The following ITPRID1 variants were observed in gnomAD, a reference collection of about 807,000 sequenced individuals.
The protein encoded by ITPRID1 is ITPR interacting domain containing 1, also known as protein ITPRID1.
A neutral mutation model predicts 95.4 loss-of-function variants in ITPRID1; 96 were observed. The ratio of observed to expected loss-of-function variants is 1.01; its 90% CI spans 0.85 to 1.19. The LOEUF (loss-of-function observed/expected upper bound fraction) is 1.19. Among genes scored for constraint, ITPRID1 ranks in the 50% most tolerant of loss-of-function variants. The pLI is 0.00. For missense variants in ITPRID1, 1,339 were observed against 1,252.9 expected, an observed-to-expected ratio of 1.07 and a Z score of -1.04; for synonymous variants, 510 against 453.6, an observed-to-expected ratio of 1.12 and a Z score of -1.58.
intron 5 of ITPRID1, among the ~76,000 whole-genome samples, chr7:31,563,789 A>G (rs1055422924): frequency 1.3e-5 from 2 of 152,156 alleles, no homozygotes; most frequent in African/African-American, 4.8e-5. Flanking sequence ...GGAAGGGTCA[A>G]AGATATCTGG....
intron 14 of ITPRID1, among the ~76,000 whole-genome samples, chr7:31,652,280 G>C (rs892179097): frequency 1.3e-5 from 2 of 152,106 alleles, no homozygotes; most frequent in African/African-American, 4.8e-5. Flanking sequence ...CCCTTGCCCT[G>C]TACATCATAG....
Position 31,654,243 on chromosome 7 carries a change from A to C in ITPRID1, c.*1414A>C, listed in dbSNP as rs1265288475. 6.6e-6 allele frequency among the ~76,000 whole-genome samples: 1 copy of C among 152,160 alleles called. No homozygotes were observed. The highest frequency in any genetic ancestry group is 1.5e-5 in the Non-Finnish European group (1 of 68,030). On this transcript the variant is annotated 3_prime_UTR_variant, in exon 15 of 15. Transcript: ENST00000615280. Reference sequence around the variant, plus strand: ...CTTGAAAGGTGAGGAAGTGGAAGCCAAGTGCAATTTTGCAAAAGAACATTC... The same window carrying C: ...CTTGAAAGGTGAGGAAGTGGAAGCCCAGTGCAATTTTGCAAAAGAACATTC...
chr7:31,658,213 C>A, downstream of ITPRID1: 2 of 1,424,210 alleles, frequency 1.4e-6, no homozygotes, highest in Non-Finnish European at 9.2e-7. Context: ...CACAGAAGAA[C>A]ACTTCCCAGA....
intron 12 of ITPRID1, among the ~76,000 whole-genome samples, chr7:31,649,054 TTCAC>T (rs1790732521): frequency 6.6e-6 from 1 of 152,216 alleles, no homozygotes; most frequent in Non-Finnish European, 1.5e-5. Context: ...GTGTTTCAAA[TTCAC>T]TCACATTGAT....
At chr7:31,621,161 GAACCA>G (rs1027930082) in intron 10 of ITPRID1, among the ~76,000 whole-genome samples, 45 of 150,826 alleles carry the variant, frequency 3.0e-4, no homozygotes, top group Middle Eastern at 3.4e-3. Context: ...GGGGAGAATG[GAACCA>G]AACTGGAAAA....
At chr7:31,616,831 A>G (rs1253115113) in intron 10 of ITPRID1, among the ~76,000 whole-genome samples, 1 of 152,086 alleles carries the variant, frequency 6.6e-6, no homozygotes, top group African/African-American at 2.4e-5. Flanking sequence ...TGTGATTCAA[A>G]CAATTATCAG....
At chr7:31,577,738 A>G in intron 8 of ITPRID1, 125 bp from the exon 9 acceptor site, 1 of 736,268 alleles carries the variant, frequency 1.4e-6, no homozygotes, top group Admixed American at 3.0e-5. Context: ...CTTGAGTTTC[A>G]AGAGCCTAAT....
intron 10 of ITPRID1, among the ~76,000 whole-genome samples, chr7:31,629,935 A>G (rs988569702): frequency 2.0e-5 from 3 of 152,244 alleles, no homozygotes; most frequent in African/African-American, 7.2e-5. Flanking sequence ...ATTGTAAAAT[A>G]TACAAACATG....
chr7:31,553,223 C>T lies in ITPRID1; in HGVS notation c.163+36C>T, dbSNP rs375172768. ...CTCTCAGGCCTATTTGAAAACATTC[C>T]TCTGTGAGTGGTGAGGGATGTGGGA... On this transcript the variant is annotated intron_variant, in intron 3 of 14. Transcript: ENST00000615280. The T allele has an allele frequency of 3.7e-5, 57 of 1,527,786 alleles. No homozygotes were observed. In the Middle Eastern group the frequency reaches 1.1e-3, roughly 31 times the overall value. 94.6% of individuals were successfully genotyped at this position (1,527,786 alleles called of 1,614,324 possible). A position where few individuals can be genotyped will look rare whatever the true frequency, so the allele number is the denominator to read the frequency against.
chr7:31,577,936 C>A lies in ITPRID1; in HGVS notation c.672C>A (p.Ile224=), dbSNP rs1420553229. ...AFSSLLSDVS[I]LPNRAEEKAG... is the part of the protein sequence containing the mutation. Reference sequence around the variant, plus strand: ...CATCTCTGCTGAGTGATGTCAGCATCCTGCCAAACAGAGCTGAAGAGAAAG... The same window carrying A: ...CATCTCTGCTGAGTGATGTCAGCATACTGCCAAACAGAGCTGAAGAGAAAG... The change falls in exon 9 of 15, where the codon ATC becomes ATA. Residue 224 remains isoleucine (I), a synonymous_variant. Coordinates refer to ENST00000615280, the MANE Select transcript of ITPRID1 (RefSeq NM_001257967.3). 5 of 1,613,626 alleles carry A rather than the reference C, an allele frequency of 3.1e-6. No individual in the cohort carries two copies. Among genetic ancestry groups the A allele is most frequent in the African/African-American group, 1.3e-5 (1 of 75,026 alleles).
In ITPRID1 at chr7:31,551,091, G is replaced by C. The variant is rs1784272546; in HGVS notation, c.-24+1592G>C. Among the ~76,000 whole-genome samples the C allele has an allele frequency of 1.4e-5, 2 of 143,174 alleles. 1 individual carries two copies. Among genetic ancestry groups the C allele is most frequent in the Admixed American group, 1.4e-4 (2 of 14,212 alleles). The allele number at this position is 143,174 out of a possible 152,430, so 93.9% of individuals were successfully genotyped here. A position where few individuals can be genotyped will look rare whatever the true frequency, so the allele number is the denominator to read the frequency against. On this transcript the variant is annotated intron_variant, in intron 2 of 14. Coordinates refer to ENST00000615280, the MANE Select transcript of ITPRID1 (RefSeq NM_001257967.3). The stretch of plus-strand genomic sequence containing the variant: ...ATTATTTTGGGGATCTTATTTTTCT[G>C]TGATATGTTATTCTTTTCTTCAAAC...
At chr7:31,515,902 C>T (rs1016927405) in intron 1 of ITPRID1, among the ~76,000 whole-genome samples, 10 of 152,132 alleles carry the variant, frequency 6.6e-5, no homozygotes, top group Non-Finnish European at 1.0e-4. Context: ...GAAGTTTTAA[C>T]GAGGCTGAGC....
chr7:31,634,989 T>A (rs1352075310), intron 10 of ITPRID1, among the ~76,000 whole-genome samples: 1 of 152,166 alleles, frequency 6.6e-6, no homozygotes, highest in Admixed American at 6.5e-5. Context: ...TGGCCAGGCG[T>A]GCTGGTACCA....
chr7:31,626,519 A>C (rs902179039), intron 10 of ITPRID1, among the ~76,000 whole-genome samples: 1 of 152,184 alleles, frequency 6.6e-6, no homozygotes, highest in Non-Finnish European at 1.5e-5. Flanking sequence ...CTTTGCTGTC[A>C]TGAATATCAC....
intron 10 of ITPRID1, among the ~76,000 whole-genome samples, chr7:31,585,911 C>T (rs1013116653): frequency 3.3e-5 from 5 of 150,284 alleles, no homozygotes; most frequent in African/African-American, 1.2e-4. Context: ...CATATGTATA[C>T]ATGTGCCATG....
At chr7:31,649,532 T>G (rs1050178959) in intron 12 of ITPRID1, among the ~76,000 whole-genome samples, 3 of 152,200 alleles carry the variant, frequency 2.0e-5, no homozygotes, top group African/African-American at 7.2e-5. Flanking sequence ...CATGGATGCC[T>G]CTAAAGTATT....
At chr7:31,570,714 C>A (rs1042453558) in intron 6 of ITPRID1, among the ~76,000 whole-genome samples, 1 of 152,180 alleles carries the variant, frequency 6.6e-6, no homozygotes. Flanking sequence ...GTGACCAACT[C>A]GTGCTTCCAG....
At chr7:31,541,062 A>G (rs907420322) in intron 1 of ITPRID1, among the ~76,000 whole-genome samples, 2 of 152,232 alleles carry the variant, frequency 1.3e-5, no homozygotes, top group Non-Finnish European at 2.9e-5. Context: ...ATACTCACAG[A>G]TAGTTTCCAA....
chr7:31,568,560 T>C (rs538293090), intron 5 of ITPRID1, among the ~76,000 whole-genome samples: 77 of 152,280 alleles, frequency 5.1e-4, no homozygotes, highest in Non-Finnish European at 1.6e-4. Context: ...TGGTGAACCT[T>C]CTGAGGAATT....
Sources: allele counts gnomAD v4.1 joint callset (sites outside exome capture counted in the v4.1 genomes callset), GRCh38; gene constraint gnomAD v4.1.1; transcripts MANE v1.5; gene names NCBI Gene and HGNC (gene_info 2026-07-23, HGNC 2026-07-21).